HMCN1: variants seen among roughly 807,000 people sequenced by gnomAD.
HMCN1 encodes hemicentin-1.
HMCN1 carries 321 observed loss-of-function variants against 625.9 expected under a neutral mutation model. The observed-to-expected ratio is 0.51, with a 90% CI of 0.47 to 0.56. The LOEUF is 0.56. Among genes scored for constraint, HMCN1 ranks in the 20% least tolerant of loss-of-function variants. The pLI, the probability that HMCN1 is intolerant of heterozygous loss-of-function variation, is 0.00. For missense variants in HMCN1, 6,588 were observed against 6,887.3 expected, an observed-to-expected ratio of 0.96 and a Z score of 1.54; for synonymous variants, 2,425 against 2,417.6, an observed-to-expected ratio of 1.00 and a Z score of -0.09.
intron 4 of HMCN1, among the ~76,000 whole-genome samples, chr1:185,896,097 G>A (rs760747155): frequency 6.6e-5 from 10 of 151,908 alleles, no homozygotes; most frequent in Non-Finnish European, 1.0e-4. Flanking sequence ...CACCATGCCC[G>A]GCTAACTTTT....
At position 186,086,815 on chromosome 1, in the gene HMCN1, G is replaced by T. The variant is rs776188903; in HGVS notation, c.9047-402G>T. Among the ~76,000 whole-genome samples the T allele has an allele frequency of 1.3e-3, 4 of 3,002 alleles. No homozygotes were observed. The South Asian group carries it at 0.057, about 43-fold the overall frequency. The allele number at this position is 3,002 out of a possible 152,430, so 2.0% of individuals were successfully genotyped here. ...ATAGATGATAGATAGATAGATAGAT[G>T]ATAGATAGATAGATAGATAGATAGA... On this transcript the variant is annotated intron_variant, in intron 58 of 106. Transcript: ENST00000271588.
At chr1:186,060,601 G>A (rs1311767463) in intron 46 of HMCN1, among the ~76,000 whole-genome samples, 1 of 152,028 alleles carries the variant, frequency 6.6e-6, no homozygotes, top group Admixed American at 6.6e-5. Context: ...ATGTTACATA[G>A]ATGTTCAAAA....
At chr1:185,925,335 CTG>C in intron 9 of HMCN1, 144 bp downstream of exon 9, 1 of 778,840 alleles carries the variant, frequency 1.3e-6, no homozygotes, top group Middle Eastern at 3.5e-4. Context: ...GGACACAAAT[CTG>C]TGCCGTTGTG....
intron 11 of HMCN1, among the ~76,000 whole-genome samples, chr1:185,951,229 T>C (rs1668649799): frequency 6.6e-6 from 1 of 150,638 alleles, no homozygotes; most frequent in South Asian, 2.1e-4. Flanking sequence ...AGTCCAGGAA[T>C]AGTCAGGGAA....
At chr1:185,979,807 C>T (rs1315691550) in intron 16 of HMCN1, among the ~76,000 whole-genome samples, 1 of 152,124 alleles carries the variant, frequency 6.6e-6, no homozygotes, top group East Asian at 1.9e-4. Flanking sequence ...TGGAAAGCTG[C>T]ACTTTTCTCT....
rs187232769 is a variant in HMCN1, at chr1:186,150,006, T to C, written c.14609-1194T>C. On this transcript the variant is annotated intron_variant, in intron 93 of 106. Transcript: ENST00000271588. ...AACACCCTAAGAGAGATAATAATAA[T>C]GAAAAAGTTTGAAATATTGCAAGAA... Among the ~76,000 whole-genome samples, 107 of 151,984 alleles carry C rather than the reference T, an allele frequency of 7.0e-4. 1 individual carries two copies. Among genetic ancestry groups the C allele is most frequent in the African/African-American group, 2.3e-3 (97 of 41,446 alleles).
chr1:185,769,674 G>A (rs372172770), intron 1 of HMCN1, among the ~76,000 whole-genome samples: 10 of 152,150 alleles, frequency 6.6e-5, no homozygotes, highest in South Asian at 4.1e-4. Flanking sequence ...ATATGGCTCC[G>A]GATTCTGTTA....
At chr1:185,806,770 T>C (rs965000784) in intron 1 of HMCN1, among the ~76,000 whole-genome samples, 15 of 152,182 alleles carry the variant, frequency 9.9e-5, no homozygotes, top group Non-Finnish European at 1.3e-4. Flanking sequence ...AAGTTTTGTA[T>C]TGATGTATTA....
At chr1:185,800,001 T>C (rs1016360539) in intron 1 of HMCN1, among the ~76,000 whole-genome samples, 6 of 152,124 alleles carry the variant, frequency 3.9e-5, no homozygotes, top group Non-Finnish European at 8.8e-5. Context: ...GTACCAGCCC[T>C]GATGGGGTCA....
rs564445868 is a variant in HMCN1, at chr1:185,897,737, C to G, written c.622-11600C>G. Among the ~76,000 whole-genome samples, 4 of 152,266 alleles carry G rather than the reference C, an allele frequency of 2.6e-5. No homozygotes were observed. The East Asian group carries it at 5.8e-4, about 22-fold the overall frequency. ...GTTATGTATTTATATGTCTTCCCCA[C>G]TAGACCATAAACCCCTAAAATAGTT... On this transcript the variant is annotated intron_variant, in intron 4 of 106. Transcript: ENST00000271588.
chr1:186,068,615 C>T (rs1330981181), intron 50 of HMCN1, among the ~76,000 whole-genome samples: 1 of 152,006 alleles, frequency 6.6e-6, no homozygotes, highest in African/African-American at 2.4e-5. Context: ...CGCCTGTAAT[C>T]CTAGCACTTT....
chr1:185,981,326 G>GCACACACACA (rs58305455), intron 17 of HMCN1, among the ~76,000 whole-genome samples: 4 of 147,742 alleles, frequency 2.7e-5, no homozygotes, highest in African/African-American at 9.9e-5. Context: ...ATACACACAT[G>GCACACACACA]CACACACACA....
At chr1:186,154,088 A>C in intron 97 of HMCN1, 101 bp downstream of exon 97, 1 of 956,348 alleles carries the variant, frequency 1.0e-6, no homozygotes. Context: ...ACATGATATC[A>C]GGTTTTTCAT....
rs528051614 is a variant in HMCN1, at chr1:186,148,413, C to A, written c.14608+2490C>A. ...CTTCCACAGACATTCTTAATGGCAT[C>A]TAGAATGATGAATTCTTCCCAGAAG... On this transcript the variant is annotated intron_variant, in intron 93 of 106. Transcript: ENST00000271588. Among the ~76,000 whole-genome samples, 39 of 152,290 alleles carry A rather than the reference C, an allele frequency of 2.6e-4. 1 individual carries two copies. Among genetic ancestry groups the A allele is most frequent in the African/African-American group, 9.1e-4 (38 of 41,562 alleles).
chr1:185,915,358 G>T (rs1432744463), intron 6 of HMCN1, among the ~76,000 whole-genome samples: 2 of 152,036 alleles, frequency 1.3e-5, no homozygotes, highest in Non-Finnish European at 2.9e-5. Context: ...GTATTTGAAT[G>T]TAACCACAGA....
chr1:186,011,841 A>C (rs1178017405), intron 30 of HMCN1, among the ~76,000 whole-genome samples: 1 of 152,174 alleles, frequency 6.6e-6, no homozygotes, highest in Non-Finnish European at 1.5e-5. Flanking sequence ...ACTCATTTTG[A>C]AACACTATGA....
In HMCN1 at chr1:186,127,631, T is replaced by C. The variant is rs571544959; in HGVS notation, c.12691-447T>C. Among the ~76,000 whole-genome samples, 6 of 152,264 alleles carry C rather than the reference T, an allele frequency of 3.9e-5. No individual in the cohort carries two copies. In the East Asian group the frequency reaches 1.2e-3, roughly 29 times the overall value. ...TGAGTGATGAGAGCTGGCCGTTGAA[T>C]TTAGCAAGTGAGGCCTCAGAATTCT... is the stretch of plus-strand genomic sequence containing the variant. On this transcript the variant is annotated intron_variant, in intron 82 of 106. Transcript: ENST00000271588.
chr1:186,016,928 A>G (rs931637501), intron 32 of HMCN1, 35 bp from the exon 33 acceptor site: 15 of 1,164,338 alleles, frequency 1.3e-5, no homozygotes, highest in Admixed American at 8.4e-5. Context: ...TGTTGTATAC[A>G]TTTCTTTGCA....
intron 11 of HMCN1, among the ~76,000 whole-genome samples, chr1:185,955,828 T>C (rs918244416): frequency 2.6e-5 from 4 of 152,126 alleles, no homozygotes; most frequent in Non-Finnish European, 4.4e-5. Flanking sequence ...CTAGCCCTTC[T>C]TTCATTACTT....
Sources: gnomAD v4.1 joint callset for allele counts (sites outside exome capture counted in the v4.1 genomes callset) on GRCh38, gnomAD v4.1.1 for gene constraint, MANE v1.5 for transcripts, NCBI Gene and HGNC (gene_info 2026-07-23, HGNC 2026-07-21) for gene names.